Variants in MEGF8 observed in about 807,000 individuals in gnomAD.
MEGF8 encodes the protein multiple EGF like domains 8, also known as multiple epidermal growth factor-like domains protein 8.
Under a neutral mutation model 302.9 loss-of-function variants are expected in MEGF8, and 156 were observed. The observed-to-expected ratio is 0.52, with a 90% CI of 0.45 to 0.59. The LOEUF (loss-of-function observed/expected upper bound fraction) is 0.59, where lower values mean the gene tolerates loss of function less well. Among genes scored for constraint, MEGF8 ranks in the 20% least tolerant of loss-of-function variants. MEGF8 has a pLI of 0.00. For synonymous variants in MEGF8, 1,621 were observed against 1,660.5 expected (o/e 0.98, Z 0.58); for missense variants, 3,345 against 3,964.5 (o/e 0.84, Z 4.20).
In MEGF8 at chr19:42,376,730, G is replaced by A; in HGVS notation, c.8493G>A (p.Arg2831=). The A allele has an allele frequency of 6.8e-7, 1 of 1,481,404 alleles. No individual in the cohort carries two copies. Among genetic ancestry groups the A allele is most frequent in the Non-Finnish European group, 9.0e-7 (1 of 1,117,086 alleles). The allele number at this position is 1,481,404 out of a possible 1,614,324, so 91.8% of individuals were successfully genotyped here. A position where few individuals can be genotyped will look rare whatever the true frequency, so the allele number is the denominator to read the frequency against. ...GGSGHGTGAG[R]KGLLSQDNLT... is the part of the protein sequence containing the mutation. ...GTGGGCATGGGACTGGTGCGGGCCGGAAGGGACTGTTGAGCCAGGACAACC... is the reference window on the plus strand; with the variant it reads ...GTGGGCATGGGACTGGTGCGGGCCGAAAGGGACTGTTGAGCCAGGACAACC... Residue 2831 remains arginine (R), a synonymous_variant, in exon 42 of 42, where the codon CGG becomes CGA. Transcript: ENST00000251268. This position sits in a 1 kb window ranked among gnomAD's most constrained non-coding sequence, Gnocchi z 8.2.
intron 1 of MEGF8, among the ~76,000 whole-genome samples, chr19:42,330,495 GTTC>G (rs1444682188): frequency 1.3e-5 from 2 of 152,224 alleles, no homozygotes; most frequent in Admixed American, 1.3e-4. Context: ...GTGCTGAATG[GTTC>G]TTCTGCATTC....
rs771658086 is a variant in MEGF8, at chr19:42,369,728, G to A, written c.6834+5G>A. ...CTCTGCCGCAACCACACCAAGGTGG[G>A]CCGCCCGGAGCCTCAGACCCCCGAC... On this transcript the variant is annotated splice_donor_5th_base_variant and intron_variant, in intron 38 of 41. Coordinates refer to ENST00000251268, the MANE Select transcript of MEGF8 (RefSeq NM_001271938.2). The surrounding 1 kb of genome is among the most constrained non-coding windows in gnomAD (Gnocchi z 5.7). 1 of 1,594,602 alleles carries A rather than the reference G, an allele frequency of 6.3e-7. No individual in the cohort carries two copies. The highest frequency in any genetic ancestry group is 2.3e-5 in the East Asian group (1 of 43,932).
In MEGF8 at chr19:42,369,660, C is replaced by T. The variant is rs1282501303; in HGVS notation, c.6771C>T (p.Arg2257=). The T allele has an allele frequency of 6.2e-7, 1 of 1,613,064 alleles. No homozygotes were observed. Among genetic ancestry groups the T allele is most frequent in the Non-Finnish European group, 8.5e-7 (1 of 1,179,744 alleles). ...RNCSTECRCN[R]HSECAGVGAR... The stretch of plus-strand genomic sequence containing the variant: ...GCTCCACGGAATGCCGCTGCAACCG[C>T]CACAGTGAATGCGCTGGTGTTGGGG... The change falls in exon 38 of 42, where the codon CGC becomes CGT. Residue 2257 remains arginine, a synonymous_variant. Transcript: ENST00000251268. The surrounding 1 kb of genome is among the most constrained non-coding windows in gnomAD (Gnocchi z 5.7).
Position 42,377,033 on chromosome 19 carries a change from G to A in MEGF8, c.*258G>A. ...AGGTTCCCTGATCTCATGGGACTTA[G>A]GTTCTGGTGAAGGGAGACAATCAGT... On this transcript the variant is annotated 3_prime_UTR_variant, in exon 42 of 42. Transcript: ENST00000251268. 2.3e-6 allele frequency: 1 copy of A among 430,196 alleles called. No individual in the cohort carries two copies. Among genetic ancestry groups the A allele is most frequent in the Non-Finnish European group, 4.1e-6 (1 of 246,140 alleles). The allele number at this position is 430,196 out of a possible 1,614,324, so 26.6% of individuals were successfully genotyped here. A position where few individuals can be genotyped will look rare whatever the true frequency, so the allele number is the denominator to read the frequency against.
At chr19:42,332,264 G>T (rs975032693) in intron 1 of MEGF8, among the ~76,000 whole-genome samples, 2 of 152,228 alleles carry the variant, frequency 1.3e-5, no homozygotes, top group African/African-American at 4.8e-5. Flanking sequence ...ATCCAGGAAG[G>T]TCCCTCCCAG....
chr19:42,364,327 T>G (rs564287815), intron 35 of MEGF8, among the ~76,000 whole-genome samples: 1 of 152,146 alleles, frequency 6.6e-6, no homozygotes, highest in East Asian at 1.9e-4. Context: ...ATAAGACACA[T>G]TCACCTCCCA....
intron 1 of MEGF8, among the ~76,000 whole-genome samples, chr19:42,333,085 C>T (rs1763907483): frequency 6.6e-6 from 1 of 152,226 alleles, no homozygotes; most frequent in African/African-American, 2.4e-5. Context: ...AACTATGCCG[C>T]TCCAAGGTTA....
At chr19:42,338,796 ATTTTC>A (rs1261947293) in intron 8 of MEGF8, among the ~76,000 whole-genome samples, 1 of 96,040 alleles carries the variant, frequency 1.0e-5, no homozygotes, top group Non-Finnish European at 2.2e-5. Context: ...TACGTACCAC[ATTTTC>A]TTTTTTTTTT....
rs377090768 is a variant in MEGF8, at chr19:42,348,313, C to T, written c.2139C>T (p.Ser713=). The T allele has an allele frequency of 5.3e-5, 81 of 1,537,452 alleles. No homozygotes were observed. Among genetic ancestry groups the T allele is most frequent in the African/African-American group, 8.2e-5 (6 of 73,048 alleles). Residue 713 remains serine (S), a synonymous_variant, in exon 13 of 42, where the codon AGC becomes AGT. Coordinates refer to ENST00000251268, the MANE Select transcript of MEGF8 (RefSeq NM_001271938.2). ...VRSTTITLTP[S]AETDVSLVYR... ...GCACGACCATCACCCTAACACCCAG[C>T]GCAGAGACAGATGTGTCCCTGGTCT...
At chr19:42,371,821 G>A (rs2039695311) in intron 41 of MEGF8, among the ~76,000 whole-genome samples, 1 of 152,128 alleles carries the variant, frequency 6.6e-6, no homozygotes, top group Non-Finnish European at 1.5e-5. Flanking sequence ...GGTTGCTCAT[G>A]TCTGTAATCC....
chr19:42,333,170 G>A lies in MEGF8; in HGVS notation c.188-435G>A, dbSNP rs74506102. On this transcript the variant is annotated intron_variant, in intron 1 of 41. Transcript: ENST00000251268. ...CAGCGTGGGCCAGGGGTGGTGTCAC[G>A]GAGGTGCTCTTCTCACTGGGATTAT... Among the ~76,000 whole-genome samples the A allele has an allele frequency of 3.7e-3, 565 of 152,300 alleles. 28 individuals carry two copies. In the East Asian group the frequency reaches 0.097, roughly 26 times the overall value.
Position 42,335,934 on chromosome 19 carries a change from G to T in MEGF8, c.832G>T (p.Ala278Ser). Residue 278 changes from alanine (A) to serine (S), a missense_variant, in exon 6 of 42, where the codon GCC (alanine) becomes TCC (serine). Transcript: ENST00000251268. ...ESWDLSPAPA[A>S]RHSHVAVAWA... ...GTCTCTTTTCTCTTCCTCACAGGCT[G>T]CCCGTCACTCCCATGTGGCCGTGGC... 6.8e-7 allele frequency: 1 copy of T among 1,465,700 alleles called. No individual in the cohort carries two copies. The allele number at this position is 1,465,700 out of a possible 1,614,324, so 90.8% of individuals were successfully genotyped here. A position where few individuals can be genotyped will look rare whatever the true frequency, so the allele number is the denominator to read the frequency against.
rs564710045 is a variant in MEGF8, at chr19:42,375,171, C to G, written c.7270-336C>G. Among the ~76,000 whole-genome samples the G allele has an allele frequency of 3.3e-5, 5 of 152,334 alleles. No homozygotes were observed. In the South Asian group the frequency reaches 8.3e-4, roughly 25 times the overall value. ...GCTCAGGCTCAGTGAGGTTAAGTCA[C>G]TAGTCCAAGGCCACACAGCTAACAA... is the stretch of plus-strand genomic sequence containing the variant. On this transcript the variant is annotated intron_variant, in intron 41 of 41. Coordinates refer to ENST00000251268, the MANE Select transcript of MEGF8 (RefSeq NM_001271938.2). The surrounding 1 kb of genome is among the most constrained non-coding windows in gnomAD (Gnocchi z 7.1).
intron 35 of MEGF8, among the ~76,000 whole-genome samples, chr19:42,363,502 C>T (rs2039562532): frequency 6.6e-6 from 1 of 152,182 alleles, no homozygotes; most frequent in African/African-American, 2.4e-5. Context: ...CAACCCCTGG[C>T]CTCTGCCTCT....
Position 42,353,982 on chromosome 19 carries a change from A to C in MEGF8, c.3969A>C (p.Pro1323=), listed in dbSNP as rs2039415153. The stretch of plus-strand genomic sequence containing the variant: ...GTGCTCCCGGGACCCTCTGTCCCCC[A>C]CTCACCCTCACCTTCTCCCCCGACA... ...QPCAPGTLCP[P]LTLTFSPDSS... The change falls in exon 22 of 42, where the codon CCA becomes CCC. Residue 1323 remains proline (P), a synonymous_variant. Coordinates refer to ENST00000251268, the MANE Select transcript of MEGF8 (RefSeq NM_001271938.2). The surrounding 1 kb of genome is among the most constrained non-coding windows in gnomAD (Gnocchi z 6.1). 1 of 1,581,352 alleles carries C rather than the reference A, an allele frequency of 6.3e-7. No homozygotes were observed. The highest frequency in any genetic ancestry group is 8.6e-7 in the Non-Finnish European group (1 of 1,164,486).
Position 42,351,352 on chromosome 19 carries a change from C to T in MEGF8, c.2855+18C>T, listed in dbSNP as rs1410066578. On this transcript the variant is annotated intron_variant, in intron 16 of 41. Coordinates refer to ENST00000251268, the MANE Select transcript of MEGF8 (RefSeq NM_001271938.2). This position sits in a 1 kb window ranked among gnomAD's most constrained non-coding sequence, Gnocchi z 5.6. Reference sequence around the variant, plus strand: ...TGCAGCCAGTGAGTCAGGCTGGGTGCAGGGAGTGGGTGGGTGGATGTGCCT... The same window carrying T: ...TGCAGCCAGTGAGTCAGGCTGGGTGTAGGGAGTGGGTGGGTGGATGTGCCT... 6.4e-7 allele frequency: 1 copy of T among 1,567,698 alleles called. No homozygotes were observed. Among genetic ancestry groups the T allele is most frequent in the Non-Finnish European group, 8.7e-7 (1 of 1,155,964 alleles).
At chr19:42,333,279 T>C (rs1169397184) in intron 1 of MEGF8, among the ~76,000 whole-genome samples, 1 of 152,240 alleles carries the variant, frequency 6.6e-6, no homozygotes, top group Non-Finnish European at 1.5e-5. Context: ...GATTCTGCTC[T>C]GTGTGGCCAC....
Position 42,369,869 on chromosome 19 carries a change from G to A in MEGF8, c.6834+146G>A. On this transcript the variant is annotated intron_variant, in intron 38 of 41. Transcript: ENST00000251268. The surrounding 1 kb of genome is among the most constrained non-coding windows in gnomAD (Gnocchi z 5.7). ...AGAGCCCTGTCCCAGGGAGATGTGT[G>A]GAGACTTGGGGGACGCTGCCTGGGT... The A allele has an allele frequency of 3.0e-6, 3 of 987,210 alleles. No individual in the cohort carries two copies. Among genetic ancestry groups the A allele is most frequent in the Non-Finnish European group, 4.4e-6 (3 of 685,646 alleles). The allele number at this position is 987,210 out of a possible 1,614,324, so 61.2% of individuals were successfully genotyped here. A position where few individuals can be genotyped will look rare whatever the true frequency, so the allele number is the denominator to read the frequency against.
chr19:42,352,461 G>A lies in MEGF8; in HGVS notation c.3350+5G>A. The A allele has an allele frequency of 1.3e-6, 2 of 1,586,106 alleles. No individual in the cohort carries two copies. The highest frequency in any genetic ancestry group is 2.3e-5 in the East Asian group (1 of 43,844). On this transcript the variant is annotated splice_donor_5th_base_variant and intron_variant, in intron 19 of 41. Coordinates refer to ENST00000251268, the MANE Select transcript of MEGF8 (RefSeq NM_001271938.2). This position sits in a 1 kb window ranked among gnomAD's most constrained non-coding sequence, Gnocchi z 4.4. The stretch of plus-strand genomic sequence containing the variant: ...CATCTCACACTGCAACCGCACGTGA[G>A]TGAGGCGGGGGTTGCTATGGAGATG...
Sources: allele counts gnomAD v4.1 joint callset (sites outside exome capture counted in the v4.1 genomes callset), GRCh38; gene constraint gnomAD v4.1.1; non-coding constraint Gnocchi (gnomAD v3.1); transcripts MANE v1.5; gene names NCBI Gene and HGNC (gene_info 2026-07-23, HGNC 2026-07-21).